The following DAB1 variants were observed in gnomAD, a reference collection of about 807,000 sequenced individuals.
The protein encoded by DAB1 is DAB adaptor protein 1.
DAB1 carries 15 observed loss-of-function variants against 64.6 expected under a neutral mutation model. The observed-to-expected ratio is 0.23, with a 90% CI of 0.16 to 0.36. The LOEUF (loss-of-function observed/expected upper bound fraction) is 0.36, where lower values mean the gene tolerates loss of function less well. DAB1 is among the 10% of genes least tolerant of loss of function. The pLI, the probability that DAB1 is intolerant of heterozygous loss-of-function variation, is 1.00. For synonymous variants in DAB1, 235 were observed against 251.9 expected (o/e 0.93, Z 0.64); for missense variants, 596 against 706.7 (o/e 0.84, Z 1.78).
At chr1:57,430,897 T>C (rs774003001) in intron 7 of DAB1, among the ~76,000 whole-genome samples, 1 of 82,238 alleles carries the variant, frequency 1.2e-5, no homozygotes, top group Non-Finnish European at 2.4e-5. Flanking sequence ...TGTTAGGCAT[T>C]GGCAGAGAAA....
At chr1:58,075,478 A>G (rs1301861752) in intron 5 of DAB1, among the ~76,000 whole-genome samples, 1 of 152,224 alleles carries the variant, frequency 6.6e-6, no homozygotes, top group East Asian at 1.9e-4. Context: ...GTGTCAAGAA[A>G]AAGCCTCTAT....
chr1:58,147,301 C>G, intron 5 of DAB1, among the ~76,000 whole-genome samples: 1 of 119,620 alleles, frequency 8.4e-6, no homozygotes, highest in Admixed American at 9.3e-5. Flanking sequence ...AGCAAGACTC[C>G]GTCTCAAAAA....
chr1:57,406,766 G>A (rs77758152), intron 1 of DAB1, among the ~76,000 whole-genome samples: 1,907 of 152,240 alleles, frequency 0.013, 48 homozygotes, highest in African/African-American at 0.043. Flanking sequence ...GGATAGAAAG[G>A]ATCCGAATCC....
chr1:58,164,798 G>A (rs1251084896), intron 4 of DAB1, among the ~76,000 whole-genome samples: 3 of 152,080 alleles, frequency 2.0e-5, no homozygotes, highest in Non-Finnish European at 1.5e-5. Flanking sequence ...TTTATTAAAT[G>A]CAAGAATCCC....
At chr1:57,810,104 C>T (rs939586857) in intron 6 of DAB1, among the ~76,000 whole-genome samples, 1 of 152,130 alleles carries the variant, frequency 6.6e-6, no homozygotes, top group Non-Finnish European at 1.5e-5. Context: ...CCTGTTAAAA[C>T]CTTCTCTCCC....
intron 4 of DAB1, among the ~76,000 whole-genome samples, chr1:57,111,194 G>T (rs17453874): frequency 6.6e-6 from 1 of 151,984 alleles, no homozygotes; most frequent in African/African-American, 2.4e-5. Flanking sequence ...GGAAGGAAAG[G>T]TTGACACACC....
At chr1:58,017,308 G>A (rs180954134) in intron 5 of DAB1, among the ~76,000 whole-genome samples, 7 of 152,218 alleles carry the variant, frequency 4.6e-5, no homozygotes, top group East Asian at 1.9e-4. Flanking sequence ...TCTCATGTTC[G>A]AAATCAGTCA....
chr1:57,551,535 G>A (rs577909309), intron 7 of DAB1, among the ~76,000 whole-genome samples: 1 of 152,304 alleles, frequency 6.6e-6, no homozygotes, highest in East Asian at 1.9e-4. Flanking sequence ...AAAGAGTTCA[G>A]GCAACTTAAT....
At chr1:58,489,986 T>C (rs1345557552) in intron 3 of DAB1, among the ~76,000 whole-genome samples, 3 of 151,914 alleles carry the variant, frequency 2.0e-5, no homozygotes, top group East Asian at 1.9e-4. Flanking sequence ...ACCATAAAGA[T>C]GGGGAAAAAA....
At chr1:58,437,169 G>A (rs891498201) in intron 3 of DAB1, among the ~76,000 whole-genome samples, 1 of 152,116 alleles carries the variant, frequency 6.6e-6, no homozygotes, top group Non-Finnish European at 1.5e-5. Flanking sequence ...CCTAAGAGCC[G>A]CCTGGAGAGC....
At chr1:57,259,641 C>T (rs889168902) in intron 2 of DAB1, among the ~76,000 whole-genome samples, 1 of 152,182 alleles carries the variant, frequency 6.6e-6, no homozygotes, top group Admixed American at 6.5e-5. Flanking sequence ...GAGTAAAGGA[C>T]ACACAGTTGA....
At chr1:57,326,672 G>A (rs1380916698) in intron 1 of DAB1, among the ~76,000 whole-genome samples, 4 of 152,206 alleles carry the variant, frequency 2.6e-5, no homozygotes, top group Admixed American at 2.6e-4. Context: ...CCTGATGAGG[G>A]TCTTTTTCAT....
At chr1:57,370,014 A>C (rs1158501034) in intron 1 of DAB1, among the ~76,000 whole-genome samples, 2 of 152,130 alleles carry the variant, frequency 1.3e-5, no homozygotes, top group African/African-American at 4.8e-5. Context: ...CCTTGTCTTG[A>C]ACAGCATTCT....
intron 1 of DAB1, among the ~76,000 whole-genome samples, chr1:57,337,553 TCTC>T (rs1294633138): frequency 6.6e-6 from 1 of 152,068 alleles, no homozygotes; most frequent in African/African-American, 2.4e-5. Flanking sequence ...TCTCAGTGTC[TCTC>T]CTATGTTTTT....
chr1:57,241,731 G>A (rs1425250592), intron 2 of DAB1, among the ~76,000 whole-genome samples: 1 of 152,138 alleles, frequency 6.6e-6, no homozygotes, highest in African/African-American at 2.4e-5. Flanking sequence ...CTTGGAATAA[G>A]GACCTCACTT....
intron 7 of DAB1, among the ~76,000 whole-genome samples, chr1:57,474,478 A>G (rs1175973214): frequency 2.0e-5 from 3 of 152,200 alleles, no homozygotes; most frequent in Non-Finnish European, 2.9e-5. Flanking sequence ...TATGGGTTCA[A>G]TGTTTGGATC....
chr1:58,483,712 T>C (rs1383204429), intron 3 of DAB1, among the ~76,000 whole-genome samples: 2 of 152,282 alleles, frequency 1.3e-5, no homozygotes, highest in Non-Finnish European at 2.9e-5. Context: ...TGACCTACTG[T>C]CCAAACTGGG....
chr1:57,119,553 T>G (rs776124492), intron 4 of DAB1, among the ~76,000 whole-genome samples: 2 of 152,198 alleles, frequency 1.3e-5, no homozygotes, highest in African/African-American at 4.8e-5. Context: ...GTATAATGCA[T>G]CTTTCTTATC....
intron 6 of DAB1, among the ~76,000 whole-genome samples, chr1:57,720,529 T>C (rs1194719805): frequency 6.6e-6 from 1 of 152,242 alleles, no homozygotes; most frequent in Non-Finnish European, 1.5e-5. Context: ...TGTAATCAGA[T>C]GGCCCTGGGA....
Sources: gnomAD v4.1 joint callset for allele counts (sites outside exome capture counted in the v4.1 genomes callset) on GRCh38, gnomAD v4.1.1 for gene constraint, MANE v1.5 for transcripts, NCBI Gene and HGNC (gene_info 2026-07-23, HGNC 2026-07-21) for gene names.